The following YWHAZ variants were observed in gnomAD, a reference collection of about 807,000 sequenced individuals.
YWHAZ encodes the protein 14-3-3 protein zeta/delta.
For missense variants in YWHAZ, 79 were observed against 284.8 expected (o/e 0.28, Z 5.20); for synonymous variants, 87 against 103.6 (o/e 0.84, Z 0.97).
Position 100,924,782 on chromosome 8 carries a change from G to C in YWHAZ, c.418+134C>G. 7 of 1,129,880 alleles carry C rather than the reference G, an allele frequency of 6.2e-6. No individual in the cohort carries two copies. The highest frequency in any genetic ancestry group is 8.7e-6 in the Non-Finnish European group (7 of 801,058). 70.0% of individuals were successfully genotyped at this position (1,129,880 alleles called of 1,614,324 possible). ...ATGAGGCAGTAGATGTGTATTCTCAGAACACAAAGAGCACTGCTACTCCTT... is the reference window on the plus strand; with the variant it reads ...ATGAGGCAGTAGATGTGTATTCTCACAACACAAAGAGCACTGCTACTCCTT... On this transcript the variant is annotated intron_variant, in intron 3 of 5. Transcript: ENST00000395958. This position sits in a 1 kb window ranked among gnomAD's most constrained non-coding sequence, Gnocchi z 5.7.
In YWHAZ at chr8:100,918,135, G is replaced by C. The variant is rs536298299; in HGVS notation, c.*2558C>G. Reference sequence around the variant, plus strand: ...AGATGGGCGGATTGCCTGAGGTCGGGAATTCAAGACCAGCCTGGACAACAT... The same window carrying C: ...AGATGGGCGGATTGCCTGAGGTCGGCAATTCAAGACCAGCCTGGACAACAT... On this transcript the variant is annotated 3_prime_UTR_variant, in exon 6 of 6. Coordinates refer to ENST00000395958, the MANE Select transcript of YWHAZ (RefSeq NM_145690.3). 1.3e-5 allele frequency: 2 copies of C among 151,744 alleles called. No homozygotes were observed. Among genetic ancestry groups the C allele is most frequent in the African/African-American group, 4.8e-5 (2 of 41,360 alleles). The allele number at this position is 151,744 out of a possible 1,614,324, so 9.4% of individuals were successfully genotyped here. A position where few individuals can be genotyped will look rare whatever the true frequency, so the allele number is the denominator to read the frequency against.
Position 100,922,916 on chromosome 8 carries a change from C to A in YWHAZ, c.678+1039G>T, listed in dbSNP as rs1020501674. ...TTATGTTTGATATATAAGATTCTTTCATTCTTTACTGTGGCTTGTTATCTT... is the reference window on the plus strand; with the variant it reads ...TTATGTTTGATATATAAGATTCTTTAATTCTTTACTGTGGCTTGTTATCTT... On this transcript the variant is annotated intron_variant, in intron 5 of 5. Transcript: ENST00000395958. This position sits in a 1 kb window ranked among gnomAD's most constrained non-coding sequence, Gnocchi z 4.1. The A allele has an allele frequency of 1.3e-5, 2 of 152,160 alleles. No individual in the cohort carries two copies. Among genetic ancestry groups the A allele is most frequent in the Non-Finnish European group, 2.9e-5 (2 of 68,024 alleles). 9.4% of individuals were successfully genotyped at this position (152,160 alleles called of 1,614,324 possible). A position where few individuals can be genotyped will look rare whatever the true frequency, so the allele number is the denominator to read the frequency against.
chr8:100,947,656 C>G (rs1434513150), intron 2 of YWHAZ, among the ~76,000 whole-genome samples: 1 of 152,176 alleles, frequency 6.6e-6, no homozygotes, highest in Non-Finnish European at 1.5e-5. Context: ...TCCTATTGCT[C>G]ATTATAGCAC....
At chr8:100,943,982 G>T (rs1349964562) in intron 2 of YWHAZ, among the ~76,000 whole-genome samples, 3 of 109,094 alleles carry the variant, frequency 2.7e-5, no homozygotes, top group Non-Finnish European at 5.5e-5. Context: ...GCAAGACTCC[G>T]TCTCAAAAAA....
chr8:100,944,611 C>T (rs567195038), intron 2 of YWHAZ, among the ~76,000 whole-genome samples: 7 of 152,162 alleles, frequency 4.6e-5, no homozygotes, highest in Non-Finnish European at 8.8e-5. Flanking sequence ...ACCTTCTGCC[C>T]CACAAAAATA....
At chr8:100,943,077 C>G (rs1039233254) in intron 2 of YWHAZ, among the ~76,000 whole-genome samples, 2 of 152,182 alleles carry the variant, frequency 1.3e-5, no homozygotes, top group African/African-American at 4.8e-5. Context: ...AAAATTAAGT[C>G]AAAGTTGAGT....
intron 1 of YWHAZ, chr8:100,951,049 C>T: frequency 1.8e-6 from 1 of 550,878 alleles, no homozygotes; most frequent in Non-Finnish European, 2.3e-6. Flanking sequence ...TCCACACCTC[C>T]CCCGCCCGTT....
Position 100,941,254 on chromosome 8 carries a change from T to C in YWHAZ, c.294+7342A>G, listed in dbSNP as rs535497721. 2.0e-5 allele frequency among the ~76,000 whole-genome samples: 3 copies of C among 152,278 alleles called. No individual in the cohort carries two copies. The South Asian group carries it at 6.2e-4, about 32-fold the overall frequency. On this transcript the variant is annotated intron_variant, in intron 2 of 5. Transcript: ENST00000395958. ...TCAAGTGTCTCTTGGTTGAATGTGG[T>C]CCAAGTATGTCATTCTAAACTGGAC...
intron 1 of YWHAZ, chr8:100,950,993 G>C (rs1176740544): frequency 7.6e-6 from 2 of 264,528 alleles, no homozygotes; most frequent in Non-Finnish European, 1.2e-5. Context: ...GCCGACTGCG[G>C]GCTCACCACC....
rs140027466 is a variant in YWHAZ, at chr8:100,944,147, G to C, written c.294+4449C>G. ...TTAATAAAATGAAATAGTAACAATA[G>C]ATATAACCCTACAGAGTTCTTTGGA... is the stretch of plus-strand genomic sequence containing the variant. On this transcript the variant is annotated intron_variant, in intron 2 of 5. Transcript: ENST00000395958. Among the ~76,000 whole-genome samples the C allele has an allele frequency of 3.7e-3, 559 of 152,222 alleles. 4 individuals are homozygous for C. The highest frequency in any genetic ancestry group is 6.8e-3 in the Middle Eastern group (2 of 294).
chr8:100,942,407 T>C (rs965134766), intron 2 of YWHAZ, among the ~76,000 whole-genome samples: 2 of 152,238 alleles, frequency 1.3e-5, no homozygotes, highest in African/African-American at 4.8e-5. Flanking sequence ...ATGGAATTAC[T>C]GACTAGAGAA....
At chr8:100,952,797 C>T (rs1354026901), upstream of YWHAZ, 4 of 1,000,002 alleles carry the variant, frequency 4.0e-6, no homozygotes, top group African/African-American at 1.7e-5. Context: ...CCCGGCTGGG[C>T]CGACCGGGGC....
chr8:100,946,135 T>C (rs1187855322), intron 2 of YWHAZ, among the ~76,000 whole-genome samples: 1 of 152,222 alleles, frequency 6.6e-6, no homozygotes, highest in Non-Finnish European at 1.5e-5. Flanking sequence ...TTAATAATCA[T>C]AACAAGAAGA....
chr8:100,926,300 A>G (rs974227132), intron 2 of YWHAZ, among the ~76,000 whole-genome samples: 3 of 152,096 alleles, frequency 2.0e-5, no homozygotes, highest in African/African-American at 7.2e-5. Flanking sequence ...TAAAGGTGAG[A>G]AAAGTCAACC....
At chr8:100,941,915 CCTT>C (rs1218613084) in intron 2 of YWHAZ, among the ~76,000 whole-genome samples, 1 of 152,072 alleles carries the variant, frequency 6.6e-6, no homozygotes, top group Non-Finnish European at 1.5e-5. Context: ...ATGCAATAAT[CCTT>C]CTTAGATTTT....
At chr8:100,936,269 A>G (rs1409758451) in intron 2 of YWHAZ, among the ~76,000 whole-genome samples, 1 of 152,258 alleles carries the variant, frequency 6.6e-6, no homozygotes, top group African/African-American at 2.4e-5. Flanking sequence ...GCACTTTGGC[A>G]AAATAATTTA....
At chr8:100,951,257 G>T (rs1027029559) in intron 1 of YWHAZ, 7 of 984,774 alleles carry the variant, frequency 7.1e-6, no homozygotes, top group Non-Finnish European at 6.0e-6. Flanking sequence ...GCCGCGCCAG[G>T]CCTGGGCTCC....
At chr8:100,920,799 G>GA (rs200692070) in intron 5 of YWHAZ, 47 bp from the exon 6 acceptor site, 6 of 1,014,524 alleles carry the variant, frequency 5.9e-6, no homozygotes, top group East Asian at 4.3e-5. Flanking sequence ...GTGGGATGGG[G>GA]GGGGGGGGGC....
rs1812795475 is a variant in YWHAZ, at chr8:100,918,405, ACT to A, written c.*2286_*2287del. 4.0e-5 allele frequency: 1 copy of A among 25,150 alleles called. No homozygotes were observed. Among genetic ancestry groups the A allele is most frequent in the Non-Finnish European group, 8.5e-5 (1 of 11,782 alleles). The allele number at this position is 25,150 out of a possible 1,614,324, so 1.6% of individuals were successfully genotyped here. The stretch of plus-strand genomic sequence containing the variant: ...TTCAGTCTAGCTATAAAATATAATT[ACT>A]TTATATATATATATATATATATATA... On this transcript the variant is annotated 3_prime_UTR_variant, in exon 6 of 6. Transcript: ENST00000395958.
Sources: allele counts gnomAD v4.1 joint callset (sites outside exome capture counted in the v4.1 genomes callset), GRCh38; gene constraint gnomAD v4.1.1; non-coding constraint Gnocchi (gnomAD v3.1); transcripts MANE v1.5; gene names NCBI Gene and HGNC (gene_info 2026-07-23, HGNC 2026-07-21).